Variants in RAPGEF2 observed in about 807,000 individuals in gnomAD.
The protein encoded by RAPGEF2 is PDZ domain containing guanine nucleotide exchange factor (GEF) 1.
RAPGEF2 carries 54 observed loss-of-function variants against 186.7 expected under a neutral mutation model. The ratio of observed to expected loss-of-function variants is 0.29; its 90% confidence interval spans 0.23 to 0.36. The LOEUF is 0.36. RAPGEF2 is among the 10% of genes least tolerant of loss of function. RAPGEF2 has a pLI of 1.00. For synonymous variants in RAPGEF2, 712 were observed against 705.9 expected (o/e 1.01, Z -0.14); for missense variants, 1,532 against 2,045.0 (o/e 0.75, Z 4.84).
At chr4:159,133,477 T>C (rs990567900) in intron 1 of RAPGEF2, among the ~76,000 whole-genome samples, 1 of 152,130 alleles carries the variant, frequency 6.6e-6, no homozygotes, top group East Asian at 1.9e-4. Context: ...AGTGGTGCGA[T>C]CTCAGCTCAC....
intron 1 of RAPGEF2, among the ~76,000 whole-genome samples, chr4:159,115,346 CTT>C (rs1331035364): frequency 2.0e-5 from 3 of 152,042 alleles, no homozygotes; most frequent in African/African-American, 7.3e-5. Context: ...TTTTAAGAAA[CTT>C]TTGCTGGTAT....
intron 4 of RAPGEF2, among the ~76,000 whole-genome samples, chr4:159,220,679 TTG>T (rs1269048870): frequency 7.9e-5 from 12 of 152,192 alleles, no homozygotes; most frequent in Non-Finnish European, 1.5e-4. Context: ...GTGAATTTCT[TTG>T]GGAAGTCTAC....
At chr4:159,156,498 T>C (rs1192242931) in intron 1 of RAPGEF2, among the ~76,000 whole-genome samples, 1 of 152,096 alleles carries the variant, frequency 6.6e-6, no homozygotes, top group Non-Finnish European at 1.5e-5. Flanking sequence ...TTAAAAAAAA[T>C]TATACTTTAA....
At chr4:159,245,367 G>A (rs562385067) in intron 7 of RAPGEF2, among the ~76,000 whole-genome samples, 3 of 152,034 alleles carry the variant, frequency 2.0e-5, no homozygotes, top group Non-Finnish European at 2.9e-5. Context: ...GATTGAGGCC[G>A]TATTTCAAAT....
At chr4:159,237,939 G>A (rs1402612638) in intron 4 of RAPGEF2, among the ~76,000 whole-genome samples, 1 of 149,576 alleles carries the variant, frequency 6.7e-6, no homozygotes, top group Non-Finnish European at 1.5e-5. Flanking sequence ...GGTTGCTTGA[G>A]TTCAGGAGTT....
intron 7 of RAPGEF2, among the ~76,000 whole-genome samples, chr4:159,295,577 T>A (rs1761838087): frequency 6.6e-6 from 1 of 152,166 alleles, no homozygotes. Flanking sequence ...ATTGTACCAT[T>A]TGAGGTCTCA....
chr4:159,124,211 T>C (rs1478628156), intron 1 of RAPGEF2, among the ~76,000 whole-genome samples: 1 of 152,004 alleles, frequency 6.6e-6, no homozygotes, highest in African/African-American at 2.4e-5. Context: ...TGTTGGACTC[T>C]CGATGAGAAC....
Position 159,302,844 on chromosome 4 carries a change from G to C in RAPGEF2, c.544-1498G>C, listed in dbSNP as rs376783360. ...TTAGGGTACATGTGCACATTATGCA[G>C]GTTAGTTACGTATGTATTTTACAAC... On this transcript the variant is annotated intron_variant, in intron 7 of 29. Coordinates refer to ENST00000691494, the MANE Select transcript of RAPGEF2 (RefSeq NM_001394067.2). Among the ~76,000 whole-genome samples the C allele has an allele frequency of 1.5e-4, 23 of 151,256 alleles. No homozygotes were observed. In the East Asian group the frequency reaches 1.7e-3, roughly 11 times the overall value.
chr4:159,295,153 A>C (rs954335128), intron 7 of RAPGEF2, among the ~76,000 whole-genome samples: 1 of 152,166 alleles, frequency 6.6e-6, no homozygotes, highest in African/African-American at 2.4e-5. Context: ...ATTAAGAGAA[A>C]ATATACAGAG....
intron 19 of RAPGEF2, among the ~76,000 whole-genome samples, chr4:159,340,666 A>ACC (rs1404208540): frequency 7.1e-5 from 6 of 84,310 alleles, no homozygotes; most frequent in East Asian, 2.2e-4. Context: ...CACCACCATC[A>ACC]CCACACACAC....
chr4:159,185,880 G>C (rs1747504557), intron 1 of RAPGEF2, among the ~76,000 whole-genome samples: 1 of 152,126 alleles, frequency 6.6e-6, no homozygotes, highest in African/African-American at 2.4e-5. Flanking sequence ...AAATAGATCT[G>C]TTGTAGATTT....
intron 3 of RAPGEF2, among the ~76,000 whole-genome samples, chr4:159,195,531 A>G (rs1039378739): frequency 1.3e-5 from 2 of 152,202 alleles, no homozygotes; most frequent in Non-Finnish European, 2.9e-5. Flanking sequence ...AGTACTTGTT[A>G]TCATTATCCC....
chr4:159,273,549 A>G (rs147394525), intron 7 of RAPGEF2, among the ~76,000 whole-genome samples: 1 of 152,338 alleles, frequency 6.6e-6, no homozygotes, highest in East Asian at 1.9e-4. Context: ...CTTAAGAAAA[A>G]GCAAATGCTC....
intron 7 of RAPGEF2, among the ~76,000 whole-genome samples, chr4:159,262,203 T>C (rs1756956108): frequency 6.6e-6 from 1 of 152,238 alleles, no homozygotes; most frequent in Admixed American, 6.5e-5. Flanking sequence ...AGATAAGTTT[T>C]GTGTGGTTCC....
intron 7 of RAPGEF2, among the ~76,000 whole-genome samples, chr4:159,253,208 G>T (rs1755678310): frequency 6.6e-6 from 1 of 152,208 alleles, no homozygotes; most frequent in African/African-American, 2.4e-5. Flanking sequence ...ACCAAAATTT[G>T]ACCAGTAGTG....
intron 1 of RAPGEF2, among the ~76,000 whole-genome samples, chr4:159,137,848 A>T (rs1452988204): frequency 2.0e-5 from 3 of 152,140 alleles, no homozygotes; most frequent in African/African-American, 7.2e-5. Context: ...GAGTAACTGT[A>T]ATTCTTTAAA....
chr4:159,275,815 A>G (rs1199024124), intron 7 of RAPGEF2, among the ~76,000 whole-genome samples: 1 of 152,146 alleles, frequency 6.6e-6, no homozygotes, highest in Non-Finnish European at 1.5e-5. Flanking sequence ...GAATGTGAAA[A>G]AGCTGAAGAG....
chr4:159,295,766 C>G (rs565806749), intron 7 of RAPGEF2, among the ~76,000 whole-genome samples: 2 of 145,050 alleles, frequency 1.4e-5, no homozygotes, highest in Admixed American at 6.7e-5. Context: ...CGCGCGCGCG[C>G]GCGCGCGCAT....
intron 1 of RAPGEF2, among the ~76,000 whole-genome samples, chr4:159,135,769 T>C (rs1240831409): frequency 6.6e-6 from 1 of 152,060 alleles, no homozygotes; most frequent in African/African-American, 2.4e-5. Context: ...CTGGCCAATT[T>C]TTGTATTTTT....
Sources: allele counts gnomAD v4.1 joint callset (sites outside exome capture counted in the v4.1 genomes callset), GRCh38; gene constraint gnomAD v4.1.1; transcripts MANE v1.5; gene names NCBI Gene and HGNC (gene_info 2026-07-23, HGNC 2026-07-21).